Variants in AGPS observed in about 807,000 individuals in gnomAD.
The protein encoded by AGPS is alkyldihydroxyacetonephosphate synthase, peroxisomal.
AGPS carries 26 observed loss-of-function variants against 90.7 expected under a neutral mutation model. The observed-to-expected ratio is 0.29, with a 90% confidence interval of 0.21 to 0.40. The LOEUF (loss-of-function observed/expected upper bound fraction) is 0.40, where lower values mean the gene tolerates loss of function less well. AGPS is among the 10% of genes least tolerant of loss of function. AGPS has a pLI of 1.00. For missense variants in AGPS, 540 were observed against 816.1 expected, an observed-to-expected ratio of 0.66 and a Z score of 4.12; for synonymous variants, 294 against 285.3, an observed-to-expected ratio of 1.03 and a Z score of -0.31.
intron 17 of AGPS, among the ~76,000 whole-genome samples, chr2:177,519,973 T>A (rs1689131496): frequency 1.3e-5 from 2 of 152,216 alleles, no homozygotes; most frequent in African/African-American, 2.4e-5. Flanking sequence ...ATGCCTCCCC[T>A]TTTTAGACCA....
At chr2:177,434,034 T>C (rs1315718173) in intron 2 of AGPS, among the ~76,000 whole-genome samples, 4 of 152,204 alleles carry the variant, frequency 2.6e-5, no homozygotes, top group African/African-American at 9.6e-5. Context: ...GCCATAAGGC[T>C]AAAACTTATG....
At chr2:177,412,134 A>T (rs1685639643) in intron 1 of AGPS, among the ~76,000 whole-genome samples, 1 of 152,150 alleles carries the variant, frequency 6.6e-6, no homozygotes, top group African/African-American at 2.4e-5. Flanking sequence ...TTGCTCCAAT[A>T]CGTGGGAAAG....
At chr2:177,402,685 A>G (rs191226701) in intron 1 of AGPS, among the ~76,000 whole-genome samples, 264 of 152,344 alleles carry the variant, frequency 1.7e-3, no homozygotes, top group African/African-American at 6.0e-3. Context: ...TAAGTGTCAT[A>G]GGATATAATA....
At chr2:177,471,400 T>C (rs1687621252) in intron 10 of AGPS, among the ~76,000 whole-genome samples, 1 of 152,216 alleles carries the variant, frequency 6.6e-6, no homozygotes, top group African/African-American at 2.4e-5. Flanking sequence ...TTTTGTGTTA[T>C]GAATTTTTCA....
chr2:177,439,857 GAACCTCC>G (rs1686544517), intron 5 of AGPS, among the ~76,000 whole-genome samples: 1 of 152,048 alleles, frequency 6.6e-6, no homozygotes. Context: ...CCCTCCTTAA[GAACCTCC>G]ACTAATGTCC....
At chr2:177,403,898 T>C (rs943688349) in intron 1 of AGPS, among the ~76,000 whole-genome samples, 2 of 152,372 alleles carry the variant, frequency 1.3e-5, no homozygotes, top group African/African-American at 2.4e-5. Context: ...TTCCCTATTA[T>C]AGAGAATGCT....
chr2:177,473,005 G>T lies in AGPS; in HGVS notation c.1105+4481G>T, dbSNP rs567756968. ...CTTTTGTTTTCTGGGAGTAATTTTG[G>T]CTGTACTTCCTCTAGTTCCTCTGTT... On this transcript the variant is annotated intron_variant, in intron 10 of 19. Transcript: ENST00000264167. Among the ~76,000 whole-genome samples, 40 of 152,188 alleles carry T rather than the reference G, an allele frequency of 2.6e-4. 3 individuals are homozygous for T. The South Asian group carries it at 7.9e-3, about 30-fold the overall frequency.
intron 8 of AGPS, among the ~76,000 whole-genome samples, chr2:177,446,295 A>G (rs751918825): frequency 1.1e-4 from 16 of 152,076 alleles, no homozygotes; most frequent in Non-Finnish European, 1.5e-4. Context: ...CTGGGACTAC[A>G]GGCACCCACT....
chr2:177,442,565 C>A, intron 7 of AGPS, 79 bp downstream of exon 7: 2 of 1,199,316 alleles, frequency 1.7e-6, no homozygotes, highest in South Asian at 1.3e-5. Context: ...AGAATCTAGC[C>A]ACTGGGCGCT....
chr2:177,482,413 T>C (rs1416496178), intron 11 of AGPS, among the ~76,000 whole-genome samples: 1 of 152,044 alleles, frequency 6.6e-6, no homozygotes, highest in East Asian at 1.9e-4. Flanking sequence ...ATCAAACCTA[T>C]TTCTTGGTCT....
At chr2:177,480,946 T>A (rs1204357283) in intron 10 of AGPS, among the ~76,000 whole-genome samples, 3 of 152,032 alleles carry the variant, frequency 2.0e-5, no homozygotes, top group Non-Finnish European at 2.9e-5. Flanking sequence ...GCTTTTATGA[T>A]CATACAAGTC....
chr2:177,535,902 C>CT lies in AGPS; in HGVS notation c.1856-2161dup, dbSNP rs997244847. Among the ~76,000 whole-genome samples, 72 of 146,454 alleles carry CT rather than the reference C, an allele frequency of 4.9e-4. 1 individual carries two copies. Among genetic ancestry groups the CT allele is most frequent in the Admixed American group, 6.8e-4 (10 of 14,658 alleles). On this transcript the variant is annotated intron_variant, in intron 19 of 19. Transcript: ENST00000264167. ...CCACAGCTTTGTTGGCCGTACTGCC[C>CT]TTTTTTTTTTTCTACTTTCTACTTC...
At chr2:177,468,272 C>G (rs1687516133) in intron 9 of AGPS, 144 bp from the exon 10 acceptor site, 3 of 516,898 alleles carry the variant, frequency 5.8e-6, no homozygotes, top group Non-Finnish European at 1.1e-5. Context: ...CTAAAAGATA[C>G]TAGAATTCTT....
chr2:177,425,080 A>G (rs533066146), intron 2 of AGPS, among the ~76,000 whole-genome samples: 1 of 152,172 alleles, frequency 6.6e-6, no homozygotes, highest in South Asian at 2.1e-4. Flanking sequence ...CTTTAGTTTA[A>G]TTAGATCTCA....
chr2:177,474,078 A>G (rs941230160), intron 10 of AGPS, among the ~76,000 whole-genome samples: 5 of 152,238 alleles, frequency 3.3e-5, no homozygotes, highest in African/African-American at 7.2e-5. Flanking sequence ...GTAACAGTAT[A>G]TACATTTAAG....
intron 13 of AGPS, among the ~76,000 whole-genome samples, chr2:177,498,387 T>A (rs1231891789): frequency 6.6e-6 from 1 of 151,670 alleles, no homozygotes; most frequent in African/African-American, 2.4e-5. Context: ...TTGATGTATC[T>A]TTTTTTGAGA....
intron 14 of AGPS, among the ~76,000 whole-genome samples, chr2:177,505,138 T>C (rs1688672672): frequency 6.6e-6 from 1 of 152,056 alleles, no homozygotes; most frequent in Non-Finnish European, 1.5e-5. Context: ...TTCTGGAAGC[T>C]TCTCAGTATT....
At chr2:177,461,655 A>G (rs1687295408) in intron 8 of AGPS, among the ~76,000 whole-genome samples, 1 of 152,226 alleles carries the variant, frequency 6.6e-6, no homozygotes, top group Non-Finnish European at 1.5e-5. Context: ...TGTGAAAAAT[A>G]GAACTTCTTT....
intron 5 of AGPS, among the ~76,000 whole-genome samples, chr2:177,439,839 T>C (rs1686544098): frequency 6.6e-6 from 1 of 152,142 alleles, no homozygotes; most frequent in South Asian, 2.1e-4. Flanking sequence ...CTCTTTGCCA[T>C]CTTGTTCCCC....
Sources: allele counts gnomAD v4.1 joint callset (sites outside exome capture counted in the v4.1 genomes callset), GRCh38; gene constraint gnomAD v4.1.1; transcripts MANE v1.5; gene names NCBI Gene and HGNC (gene_info 2026-07-23, HGNC 2026-07-21).